The following PAPPA2 variants were observed in gnomAD, a reference collection of about 807,000 sequenced individuals.
PAPPA2 encodes the protein pappalysin-2.
PAPPA2 carries 86 observed loss-of-function variants against 176.4 expected under a neutral mutation model. That is an observed-to-expected ratio of 0.49 (90% confidence interval 0.41 to 0.58). The LOEUF (loss-of-function observed/expected upper bound fraction) is 0.58, where lower values mean the gene tolerates loss of function less well. PAPPA2 is among the 20% of genes least tolerant of loss of function. PAPPA2 has a pLI of 0.00. For synonymous variants in PAPPA2, 809 were observed against 852.2 expected (o/e 0.95, Z 0.88); for missense variants, 2,073 against 2,256.9 (o/e 0.92, Z 1.65).
At chr1:176,475,966 C>A (rs1258822517) in intron 1 of PAPPA2, among the ~76,000 whole-genome samples, 1 of 152,114 alleles carries the variant, frequency 6.6e-6, no homozygotes, top group Non-Finnish European at 1.5e-5. Flanking sequence ...AGGCAGTGTG[C>A]AATTTTTCAA....
At chr1:176,789,699 C>T in intron 17 of PAPPA2, 110 bp from the exon 18 acceptor site, 1 of 1,226,036 alleles carries the variant, frequency 8.2e-7, no homozygotes, top group East Asian at 2.5e-5. Context: ...TCACAAGAAC[C>T]ATCTGTCCCT....
intron 1 of PAPPA2, among the ~76,000 whole-genome samples, chr1:176,484,629 A>G (rs1174353731): frequency 1.3e-5 from 2 of 152,128 alleles, no homozygotes; most frequent in South Asian, 4.1e-4. Context: ...TGTCTAGTCT[A>G]CTGTTAAGCC....
At chr1:176,710,706 A>G (rs1661105423) in intron 11 of PAPPA2, among the ~76,000 whole-genome samples, 2 of 152,040 alleles carry the variant, frequency 1.3e-5, no homozygotes, top group South Asian at 4.1e-4. Context: ...TGTGAAATAA[A>G]CTCTTCCATT....
At chr1:176,597,483 A>G (rs1318764372) in intron 3 of PAPPA2, among the ~76,000 whole-genome samples, 4 of 152,110 alleles carry the variant, frequency 2.6e-5, no homozygotes, top group Non-Finnish European at 5.9e-5. Context: ...GTTTGGAACA[A>G]TGAGAACACA....
intron 12 of PAPPA2, among the ~76,000 whole-genome samples, chr1:176,713,451 T>C (rs190944655): frequency 2.0e-5 from 3 of 152,318 alleles, no homozygotes; most frequent in Admixed American, 6.5e-5. Flanking sequence ...AGTAAACTGC[T>C]TTCATGAGAC....
At chr1:176,472,067 G>A (rs1043155254) in intron 1 of PAPPA2, among the ~76,000 whole-genome samples, 5 of 152,166 alleles carry the variant, frequency 3.3e-5, no homozygotes, top group African/African-American at 7.2e-5. Context: ...ATTGTGGGCT[G>A]CAGAATATTA....
chr1:176,790,768 A>T (rs144385575), intron 18 of PAPPA2, among the ~76,000 whole-genome samples: 89 of 152,344 alleles, frequency 5.8e-4, no homozygotes, highest in African/African-American at 1.9e-3. Context: ...GCTACTCTCT[A>T]TGTTCTAGAT....
chr1:176,805,667 C>T lies in PAPPA2; in HGVS notation c.5202+5535C>T, dbSNP rs1048184024. On this transcript the variant is annotated intron_variant, in intron 21 of 22. Coordinates refer to ENST00000367662, the MANE Select transcript of PAPPA2 (RefSeq NM_020318.3). ...AATGACACATGTAACTTTGTGAGGA[C>T]AGGGTCATATTGAAACAAGATATTA... Among the ~76,000 whole-genome samples the T allele has an allele frequency of 5.9e-5, 9 of 152,220 alleles. No individual in the cohort carries two copies. In the East Asian group the frequency reaches 1.7e-3, roughly 29 times the overall value.
chr1:176,823,815 G>A (rs763545734), intron 21 of PAPPA2, among the ~76,000 whole-genome samples: 3 of 152,142 alleles, frequency 2.0e-5, no homozygotes, highest in Non-Finnish European at 2.9e-5. Flanking sequence ...GGACCACAGA[G>A]ATATCTGTGA....
intron 20 of PAPPA2, among the ~76,000 whole-genome samples, chr1:176,798,983 G>T (rs1221781241): frequency 1.3e-5 from 2 of 152,198 alleles, no homozygotes; most frequent in African/African-American, 2.4e-5. Context: ...TTATAGACCT[G>T]CATATTAGCA....
intron 15 of PAPPA2, among the ~76,000 whole-genome samples, chr1:176,767,287 G>A (rs971733172): frequency 6.6e-6 from 1 of 152,192 alleles, no homozygotes; most frequent in South Asian, 2.1e-4. Context: ...AAACAAAATG[G>A]ACAGTACCTA....
At chr1:176,583,770 T>C (rs1397952649) in intron 2 of PAPPA2, among the ~76,000 whole-genome samples, 1 of 152,140 alleles carries the variant, frequency 6.6e-6, no homozygotes, top group Non-Finnish European at 1.5e-5. Context: ...AAAATTATTT[T>C]GAGGCTAGGC....
chr1:176,552,295 C>G (rs985584686), intron 1 of PAPPA2, among the ~76,000 whole-genome samples: 1 of 151,582 alleles, frequency 6.6e-6, no homozygotes, highest in Non-Finnish European at 1.5e-5. Flanking sequence ...CCTACCCTCC[C>G]CCTTCCATTT....
At chr1:176,486,178 T>C (rs1572958753) in intron 1 of PAPPA2, among the ~76,000 whole-genome samples, 1 of 152,218 alleles carries the variant, frequency 6.6e-6, no homozygotes, top group South Asian at 2.1e-4. Flanking sequence ...AAAGGAAAGA[T>C]AGAGAACTTT....
intron 22 of PAPPA2, among the ~76,000 whole-genome samples, chr1:176,841,779 G>C (rs1015855952): frequency 6.6e-6 from 1 of 152,074 alleles, no homozygotes; most frequent in Non-Finnish European, 1.5e-5. Context: ...AGTATATCCT[G>C]GGCTCAAGAA....
intron 4 of PAPPA2, among the ~76,000 whole-genome samples, chr1:176,678,007 G>A (rs1473549141): frequency 1.3e-5 from 2 of 152,168 alleles, no homozygotes; most frequent in African/African-American, 4.8e-5. Context: ...TGTGCTGAAA[G>A]CATTAACGAA....
intron 15 of PAPPA2, among the ~76,000 whole-genome samples, chr1:176,766,919 T>TG (rs949311190): frequency 5.9e-5 from 9 of 152,148 alleles, no homozygotes; most frequent in Non-Finnish European, 8.8e-5. Flanking sequence ...TTTTTTTTTT[T>TG]TGTGCCAATT....
intron 1 of PAPPA2, among the ~76,000 whole-genome samples, chr1:176,473,816 C>A (rs1254815335): frequency 6.6e-6 from 1 of 152,150 alleles, no homozygotes; most frequent in African/African-American, 2.4e-5. Flanking sequence ...TGCTTATTTA[C>A]CATCTCCTCT....
rs150858932 is a variant in PAPPA2 at position 176,825,994 on chromosome 1, G to A, written c.5203-14179G>A. On this transcript the variant is annotated intron_variant, in intron 21 of 22. Transcript: ENST00000367662. ...TTATTGAGTGTTTTTAGCATTCCAC[G>A]TCACGCTATGAGGAATTATTACCAT... Among the ~76,000 whole-genome samples the A allele has an allele frequency of 6.3e-3, 953 of 152,218 alleles. 9 individuals are homozygous for A. The highest frequency in any genetic ancestry group is 0.021 in the African/African-American group (855 of 41,538).
Sources: gnomAD v4.1 joint callset for allele counts (sites outside exome capture counted in the v4.1 genomes callset) on GRCh38, gnomAD v4.1.1 for gene constraint, MANE v1.5 for transcripts, NCBI Gene and HGNC (gene_info 2026-07-23, HGNC 2026-07-21) for gene names.